Variants in TRPS1 observed in about 807,000 individuals in gnomAD.
TRPS1 encodes the protein zinc finger transcription factor Trps1.
TRPS1 carries 6 observed loss-of-function variants against 101.2 expected under a neutral mutation model. That is an observed-to-expected ratio of 0.06 (90% CI 0.03 to 0.12). TRPS1 has a LOEUF of 0.12. TRPS1 is among the 10% of genes least tolerant of loss of function. TRPS1 has a pLI of 1.00. For missense variants in TRPS1, 1,363 were observed against 1,567.0 expected (o/e 0.87, Z 2.20); for synonymous variants, 578 against 589.8 (o/e 0.98, Z 0.29).
intron 5 of TRPS1, among the ~76,000 whole-genome samples, chr8:115,531,412 C>T (rs551955810): frequency 6.6e-6 from 1 of 152,202 alleles, no homozygotes; most frequent in Non-Finnish European, 1.5e-5. Flanking sequence ...TTAACTACGG[C>T]CCTAACCTGG....
intron 5 of TRPS1, among the ~76,000 whole-genome samples, chr8:115,477,123 T>A (rs1814626781): frequency 6.6e-6 from 1 of 152,112 alleles, no homozygotes; most frequent in African/African-American, 2.4e-5. Flanking sequence ...AACATTTGAA[T>A]GAATTAAGTG....
intron 5 of TRPS1, among the ~76,000 whole-genome samples, chr8:115,504,786 CA>C (rs1563559431): frequency 6.6e-6 from 1 of 152,120 alleles, no homozygotes; most frequent in Non-Finnish European, 1.5e-5. Flanking sequence ...TGACCTTTTA[CA>C]ACAACGATTC....
chr8:115,422,331 C>T (rs1216043921), intron 5 of TRPS1, among the ~76,000 whole-genome samples: 3 of 151,656 alleles, frequency 2.0e-5, no homozygotes, highest in African/African-American at 4.8e-5. Flanking sequence ...ATAGAAGACA[C>T]ATTCAAGAAA....
intron 5 of TRPS1, among the ~76,000 whole-genome samples, chr8:115,558,614 A>G (rs1816879105): frequency 6.6e-6 from 1 of 152,220 alleles, no homozygotes; most frequent in South Asian, 2.1e-4. Flanking sequence ...GTGGATTTAT[A>G]TCTTCCCATT....
chr8:115,432,582 C>T (rs1433907890), intron 5 of TRPS1, among the ~76,000 whole-genome samples: 1 of 151,822 alleles, frequency 6.6e-6, no homozygotes, highest in Non-Finnish European at 1.5e-5. Flanking sequence ...TAGTATCAAA[C>T]TAACATTGAA....
intron 6 of TRPS1, among the ~76,000 whole-genome samples, chr8:115,415,980 T>C (rs1008667216): frequency 1.3e-5 from 2 of 152,002 alleles, no homozygotes; most frequent in Admixed American, 1.3e-4. Flanking sequence ...ATCAAAGCAA[T>C]AGAGAGGGAT....
intron 5 of TRPS1, among the ~76,000 whole-genome samples, chr8:115,442,927 T>TAA (rs11380983): frequency 1.3e-5 from 2 of 150,976 alleles, no homozygotes; most frequent in African/African-American, 4.9e-5. Flanking sequence ...CCATCTCTAC[T>TAA]AAAAAAAATA....
chr8:115,522,836 A>G (rs1389531603), intron 5 of TRPS1, among the ~76,000 whole-genome samples: 1 of 152,148 alleles, frequency 6.6e-6, no homozygotes, highest in African/African-American at 2.4e-5. Flanking sequence ...ATAAATTCAG[A>G]TAACAGGGAT....
At chr8:115,633,206 T>G (rs1002516461) in intron 1 of TRPS1, among the ~76,000 whole-genome samples, 2 of 151,820 alleles carry the variant, frequency 1.3e-5, no homozygotes, top group African/African-American at 4.8e-5. Flanking sequence ...GAAGAGAAAT[T>G]GAAAAGAAAG....
chr8:115,436,143 C>G (rs1019154131), intron 5 of TRPS1, among the ~76,000 whole-genome samples: 1 of 151,918 alleles, frequency 6.6e-6, no homozygotes, highest in Admixed American at 6.6e-5. Flanking sequence ...TTGTGTGTGG[C>G]AGAAAATACA....
chr8:115,604,689 G>A lies in TRPS1; in HGVS notation c.1280C>T (p.Ser427Leu). The A allele has an allele frequency of 6.2e-7, 1 of 1,613,948 alleles. No individual in the cohort carries two copies. The change falls in exon 4 of 7, where the codon TCA (serine) becomes TTA (leucine). Residue 427 changes from serine (S) to leucine (L), a missense_variant. Coordinates refer to ENST00000395715, the MANE Select transcript of TRPS1 (RefSeq NM_014112.5). This position sits in a 1 kb window ranked among gnomAD's most constrained non-coding sequence, Gnocchi z 4.1. ...KAGDDTPVGYSVPIKPLDSSR... is the reference protein window; with the variant it reads ...KAGDDTPVGYLVPIKPLDSSR... ...GGAATCGAGGGGCTTTATGGGCACT[G>A]AGTACCCAACAGGAGTGTCATCTCC... is the stretch of plus-strand genomic sequence containing the variant.
Position 115,602,281 on chromosome 8 carries a change from A to C in TRPS1, c.2096+1592T>G, listed in dbSNP as rs2130485672. Among the ~76,000 whole-genome samples the C allele has an allele frequency of 1.3e-5, 2 of 152,346 alleles. 1 individual carries two copies. Among genetic ancestry groups the C allele is most frequent in the South Asian group, 4.1e-4 (2 of 4,834 alleles). Reference sequence around the variant, plus strand: ...AAGTTGTCCTTGTCCTTTTCAAAAAAAGAATGGACTATCTGATTTTTACAT... The same window carrying C: ...AAGTTGTCCTTGTCCTTTTCAAAAACAGAATGGACTATCTGATTTTTACAT... On this transcript the variant is annotated intron_variant, in intron 4 of 6. Coordinates refer to ENST00000395715, the MANE Select transcript of TRPS1 (RefSeq NM_014112.5).
intron 5 of TRPS1, among the ~76,000 whole-genome samples, chr8:115,516,133 A>G (rs1032758372): frequency 6.6e-6 from 1 of 151,082 alleles, no homozygotes. Context: ...TACTCTTATT[A>G]CCAATGTGTT....
chr8:115,624,944 T>A (rs1818472639), intron 1 of TRPS1, among the ~76,000 whole-genome samples: 1 of 151,834 alleles, frequency 6.6e-6, no homozygotes, highest in African/African-American at 2.4e-5. Context: ...TTAGTTATAT[T>A]TCATATATTA....
Position 115,414,450 on chromosome 8 carries a change from T to C in TRPS1, c.3458A>G (p.Asn1153Ser). ...ATTGAAGGTGGGATAAGGCACATAG[T>C]TTTGGCAAGGATTTGGTAGGCCAGG... ...HVPGLPNPCQ[N>S]YVPYPTFNLP... Residue 1153 changes from asparagine to serine, a missense_variant, in exon 7 of 7, where the codon AAC becomes AGC. Physicochemically the swap from Asn to Ser is conservative, Grantham distance 46. This residue lies in a region of TRPS1 where 307 missense variants were observed against 392.4 expected (regional missense o/e 0.78). Coordinates refer to ENST00000395715, the MANE Select transcript of TRPS1 (RefSeq NM_014112.5). The surrounding 1 kb of genome is among the most constrained non-coding windows in gnomAD (Gnocchi z 4.8). The C allele has an allele frequency of 1.9e-6, 3 of 1,613,942 alleles. No individual in the cohort carries two copies. The highest frequency in any genetic ancestry group is 2.5e-6 in the Non-Finnish European group (3 of 1,179,950).
At chr8:115,450,851 A>G (rs1813853172) in intron 5 of TRPS1, among the ~76,000 whole-genome samples, 1 of 152,210 alleles carries the variant, frequency 6.6e-6, no homozygotes, top group African/African-American at 2.4e-5. Context: ...TAGATCCATA[A>G]TGCATCCTTT....
intron 3 of TRPS1, among the ~76,000 whole-genome samples, chr8:115,615,753 C>T (rs896889806): frequency 3.9e-5 from 6 of 151,928 alleles, no homozygotes; most frequent in Non-Finnish European, 1.5e-5. Flanking sequence ...AGAGTGAGAT[C>T]TCCATCTCCA....
chr8:115,542,718 G>A (rs1465717361), intron 5 of TRPS1, among the ~76,000 whole-genome samples: 2 of 152,066 alleles, frequency 1.3e-5, no homozygotes, highest in Admixed American at 6.6e-5. Context: ...CTGTAAAATG[G>A]GGATGATGAT....
At chr8:115,431,017 G>A (rs1813306406) in intron 5 of TRPS1, among the ~76,000 whole-genome samples, 1 of 151,932 alleles carries the variant, frequency 6.6e-6, no homozygotes, top group Non-Finnish European at 1.5e-5. Context: ...TTAGTAGGAG[G>A]AAAATAAGAC....
Sources: allele counts gnomAD v4.1 joint callset (sites outside exome capture counted in the v4.1 genomes callset), GRCh38; gene constraint gnomAD v4.1.1; regional missense constraint gnomAD v4.1.1; non-coding constraint Gnocchi (gnomAD v3.1); transcripts MANE v1.5; gene names NCBI Gene and HGNC (gene_info 2026-07-23, HGNC 2026-07-21).